Variants in NRXN3 observed in about 807,000 individuals in gnomAD.
NRXN3 encodes neurexin 3.
Under a neutral mutation model 137.6 loss-of-function variants are expected in NRXN3, and 32 were observed. That is an observed-to-expected ratio of 0.23 (90% confidence interval 0.18 to 0.31). NRXN3 has a LOEUF of 0.31. Ranked by LOEUF, NRXN3 falls within the 10% of genes least tolerant of loss-of-function variation. NRXN3 has a pLI of 1.00. For missense variants in NRXN3, 1,574 were observed against 2,062.5 expected, an observed-to-expected ratio of 0.76 and a Z score of 4.59; for synonymous variants, 798 against 784.5, an observed-to-expected ratio of 1.02 and a Z score of -0.29.
chr14:78,484,920 C>G (rs1256000225), intron 4 of NRXN3, among the ~76,000 whole-genome samples: 1 of 152,148 alleles, frequency 6.6e-6, no homozygotes, highest in Non-Finnish European at 1.5e-5. Flanking sequence ...ATGATAATGA[C>G]TGTGAATTAG....
Position 79,706,087 on chromosome 14 carries a change from G to C in NRXN3, c.4014+8150G>C, listed in dbSNP as rs79947098. Among the ~76,000 whole-genome samples the C allele has an allele frequency of 2.8e-3, 429 of 152,262 alleles. 2 individuals are homozygous for C. Among genetic ancestry groups the C allele is most frequent in the African/African-American group, 9.8e-3 (408 of 41,546 alleles). On this transcript the variant is annotated intron_variant, in intron 19 of 20. Transcript: ENST00000335750. ...TTCCCAGGACCCACTCCCTCATGAGGCTCACCAGTGAGGGTGGGCACCACT... is the reference window on the plus strand; with the variant it reads ...TTCCCAGGACCCACTCCCTCATGAGCCTCACCAGTGAGGGTGGGCACCACT...
At chr14:78,646,280 T>C (rs911902501) in intron 5 of NRXN3, among the ~76,000 whole-genome samples, 3 of 152,182 alleles carry the variant, frequency 2.0e-5, no homozygotes, top group Non-Finnish European at 4.4e-5. Flanking sequence ...CCTCATCAGC[T>C]CACATCAGTA....
At chr14:79,747,254 C>A (rs915588433) in intron 19 of NRXN3, among the ~76,000 whole-genome samples, 7 of 152,012 alleles carry the variant, frequency 4.6e-5, no homozygotes, top group African/African-American at 1.4e-4. Context: ...TTTTCTGGAG[C>A]ACTCTGCCAC....
At chr14:79,212,885 C>G (rs921837804) in intron 15 of NRXN3, among the ~76,000 whole-genome samples, 2 of 151,262 alleles carry the variant, frequency 1.3e-5, no homozygotes, top group Non-Finnish European at 2.9e-5. Context: ...TTTTTAGAAG[C>G]AACTTGAGGG....
intron 4 of NRXN3, among the ~76,000 whole-genome samples, chr14:78,621,092 C>T (rs1368287412): frequency 6.6e-6 from 1 of 152,086 alleles, no homozygotes; most frequent in Non-Finnish European, 1.5e-5. Context: ...TGAATATGAG[C>T]CAAGTTCAGT....
At chr14:79,486,290 A>G (rs1395431410) in intron 16 of NRXN3, among the ~76,000 whole-genome samples, 3 of 152,192 alleles carry the variant, frequency 2.0e-5, no homozygotes, top group Non-Finnish European at 4.4e-5. Flanking sequence ...ACATACTAGA[A>G]AAAAATTAAC....
At chr14:78,663,702 G>C (rs1011332513) in intron 6 of NRXN3, among the ~76,000 whole-genome samples, 2 of 151,936 alleles carry the variant, frequency 1.3e-5, no homozygotes, top group African/African-American at 4.8e-5. Flanking sequence ...ACTTAGCTTT[G>C]CATTTTTTTT....
intron 4 of NRXN3, among the ~76,000 whole-genome samples, chr14:78,634,623 A>T (rs2097551158): frequency 6.6e-6 from 1 of 152,212 alleles, no homozygotes. Context: ...CAGATTGAAC[A>T]AATCTTAATG....
intron 8 of NRXN3, among the ~76,000 whole-genome samples, chr14:78,759,883 G>A (rs2098685971): frequency 6.6e-6 from 1 of 152,074 alleles, no homozygotes; most frequent in Non-Finnish European, 1.5e-5. Context: ...TATAGCCACT[G>A]TCAATCCATT....
rs190078532 is a variant in NRXN3, at chr14:78,828,051, G to A, written c.2275+17707G>A. On this transcript the variant is annotated intron_variant, in intron 10 of 20. Coordinates refer to ENST00000335750, the MANE Select transcript of NRXN3 (RefSeq NM_001330195.2). ...TCTGCATCTAGTGTTGGTTCATGTC[G>A]CAATTACCTGCAGGCAGCAACTGTT... is the stretch of plus-strand genomic sequence containing the variant. Among the ~76,000 whole-genome samples, 60 of 152,202 alleles carry A rather than the reference G, an allele frequency of 3.9e-4. 1 individual carries two copies. Among genetic ancestry groups the A allele is most frequent in the African/African-American group, 1.2e-3 (51 of 41,540 alleles).
In NRXN3 at chr14:79,559,684, G is replaced by A. The variant is rs77435433; in HGVS notation, c.3444+92282G>A. The stretch of plus-strand genomic sequence containing the variant: ...AAATAGTGTGGATAGATTTAGATTT[G>A]CCTAACTTAAGGTTGCTACAAACTT... On this transcript the variant is annotated intron_variant, in intron 16 of 20. Coordinates refer to ENST00000335750, the MANE Select transcript of NRXN3 (RefSeq NM_001330195.2). Among the ~76,000 whole-genome samples the A allele has an allele frequency of 6.3e-3, 960 of 152,168 alleles. 12 individuals carry two copies. The highest frequency in any genetic ancestry group is 0.037 in the Middle Eastern group (11 of 294).
intron 20 of NRXN3, among the ~76,000 whole-genome samples, chr14:79,828,799 C>T (rs2099313771): frequency 6.6e-6 from 1 of 151,904 alleles, no homozygotes; most frequent in Admixed American, 6.6e-5. Flanking sequence ...TCTTCAAGCA[C>T]ATACAGCCTG....
intron 2 of NRXN3, among the ~76,000 whole-genome samples, chr14:78,262,863 G>A (rs1047018522): frequency 1.3e-5 from 2 of 152,096 alleles, no homozygotes; most frequent in African/African-American, 2.4e-5. Context: ...CTCTTACTAC[G>A]TTTCGGGCAC....
At chr14:79,119,084 G>T (rs74721122) in intron 15 of NRXN3, among the ~76,000 whole-genome samples, 1 of 152,238 alleles carries the variant, frequency 6.6e-6, no homozygotes, top group East Asian at 1.9e-4. Flanking sequence ...ATAAAAGATG[G>T]TAAATTCCTC....
intron 4 of NRXN3, among the ~76,000 whole-genome samples, chr14:78,330,637 G>A (rs1443667550): frequency 4.6e-5 from 7 of 152,060 alleles, no homozygotes; most frequent in Non-Finnish European, 1.0e-4. Context: ...ATGCCATAGT[G>A]CTGAAAGCCA....
Position 79,488,437 on chromosome 14 carries a change from C to T in NRXN3, c.3444+21035C>T, listed in dbSNP as rs114310475. On this transcript the variant is annotated intron_variant, in intron 16 of 20. Coordinates refer to ENST00000335750, the MANE Select transcript of NRXN3 (RefSeq NM_001330195.2). ...CAACAAGAGTGTGTGTGTGTTCTGA[C>T]GATAAAGGAAATATAAGAATATTTT... Among the ~76,000 whole-genome samples, 121 of 151,942 alleles carry T rather than the reference C, an allele frequency of 8.0e-4. 1 individual carries two copies. The highest frequency in any genetic ancestry group is 3.4e-3 in the Middle Eastern group (1 of 294).
At chr14:78,705,840 A>G (rs72685411) in intron 6 of NRXN3, among the ~76,000 whole-genome samples, 3 of 152,350 alleles carry the variant, frequency 2.0e-5, no homozygotes, top group Non-Finnish European at 4.4e-5. Context: ...GCCATGGAGT[A>G]GATAGAGCAC....
At chr14:79,071,342 T>C (rs1475241297) in intron 15 of NRXN3, among the ~76,000 whole-genome samples, 2 of 152,178 alleles carry the variant, frequency 1.3e-5, no homozygotes, top group Admixed American at 1.3e-4. Context: ...CATGAACCTG[T>C]CATCTACATT....
At chr14:79,287,419 G>T (rs540753121) in intron 15 of NRXN3, among the ~76,000 whole-genome samples, 1 of 152,160 alleles carries the variant, frequency 6.6e-6, no homozygotes, top group Non-Finnish European at 1.5e-5. Flanking sequence ...TGGAAATTCA[G>T]AATTGGATCC....
Sources: gnomAD v4.1 joint callset for allele counts (sites outside exome capture counted in the v4.1 genomes callset) on GRCh38, gnomAD v4.1.1 for gene constraint, MANE v1.5 for transcripts, NCBI Gene and HGNC (gene_info 2026-07-23, HGNC 2026-07-21) for gene names.